Variants in SYN3 observed in about 807,000 individuals in gnomAD.
SYN3 encodes synapsin III.
SYN3 carries 35 observed loss-of-function variants against 65.8 expected under a neutral mutation model. The observed-to-expected ratio is 0.53, with a 90% CI of 0.41 to 0.70. The LOEUF is 0.70. SYN3 is among the 30% of genes least tolerant of loss of function. SYN3 has a pLI of 0.00. For missense variants in SYN3, 680 were observed against 749.0 expected (o/e 0.91, Z 1.08); for synonymous variants, 270 against 292.9 (o/e 0.92, Z 0.80).
intron 7 of SYN3, among the ~76,000 whole-genome samples, chr22:32,557,550 C>A (rs2058521802): frequency 6.6e-6 from 1 of 152,216 alleles, no homozygotes; most frequent in Non-Finnish European, 1.5e-5. Context: ...ATCTTCAAAA[C>A]AACTGGATGA....
intron 6 of SYN3, among the ~76,000 whole-genome samples, chr22:32,699,651 A>C (rs544961206): frequency 6.6e-6 from 1 of 152,210 alleles, no homozygotes; most frequent in South Asian, 2.1e-4. Flanking sequence ...TAGACAAAAA[A>C]GATACAAGAT....
rs771216196 is a variant in SYN3, at chr22:32,528,920, T to C, written c.1184A>G (p.Gln395Arg). 3 of 1,614,146 alleles carry C rather than the reference T, an allele frequency of 1.9e-6. No individual in the cohort carries two copies. Among genetic ancestry groups the C allele is most frequent in the Non-Finnish European group, 2.5e-6 (3 of 1,180,042 alleles). ...MADLVVSKMS[Q>R]LPMPGGTAPS... Reference sequence around the variant, plus strand: ...CGCTGTGCCTCCTGGCATCGGGAGCTGGCTCATTTTGGAGACAACAAGGTC... The same window carrying C: ...CGCTGTGCCTCCTGGCATCGGGAGCCGGCTCATTTTGGAGACAACAAGGTC... Residue 395 changes from glutamine (Q) to arginine (R), a missense_variant, in exon 11 of 14, where the codon CAG becomes CGG. By Grantham distance (43) the Gln-to-Arg change is conservative (BLOSUM62 1). Transcript: ENST00000358763.
At chr22:32,943,290 T>C (rs1189186163) in intron 3 of SYN3, among the ~76,000 whole-genome samples, 1 of 152,220 alleles carries the variant, frequency 6.6e-6, no homozygotes, top group African/African-American at 2.4e-5. Context: ...AGGGCCAATA[T>C]TCAACATTCT....
chr22:32,701,518 A>G (rs1424316333), intron 6 of SYN3, among the ~76,000 whole-genome samples: 1 of 152,216 alleles, frequency 6.6e-6, no homozygotes, highest in Non-Finnish European at 1.5e-5. Context: ...AAAAGCTGCT[A>G]TTAAGTCTTA....
chr22:32,912,540 AC>A (rs1039606796), intron 4 of SYN3, among the ~76,000 whole-genome samples: 4 of 151,392 alleles, frequency 2.6e-5, no homozygotes, highest in East Asian at 3.9e-4. Flanking sequence ...ACATAGTGAG[AC>A]CCCCCCATCT....
At chr22:32,892,533 T>C (rs1278639293) in intron 4 of SYN3, among the ~76,000 whole-genome samples, 2 of 152,318 alleles carry the variant, frequency 1.3e-5, no homozygotes, top group East Asian at 3.9e-4. Flanking sequence ...GAAACGAGAC[T>C]CTAAGTAGTA....
At chr22:32,894,024 GTCCAAC>G (rs1388938292) in intron 4 of SYN3, among the ~76,000 whole-genome samples, 1 of 152,100 alleles carries the variant, frequency 6.6e-6, no homozygotes. Flanking sequence ...ATAAGCATTG[GTCCAAC>G]TGGATCGAGT....
chr22:33,035,505 T>A (rs1452715368), intron 1 of SYN3, among the ~76,000 whole-genome samples: 2 of 152,128 alleles, frequency 1.3e-5, no homozygotes, highest in African/African-American at 4.8e-5. Context: ...CAAAGATCAT[T>A]CAAAAGTGAC....
intron 6 of SYN3, among the ~76,000 whole-genome samples, chr22:32,817,072 A>AG (rs1402949393): frequency 6.6e-6 from 1 of 151,194 alleles, no homozygotes; most frequent in Non-Finnish European, 1.5e-5. Flanking sequence ...TAAAAAAAAA[A>AG]AAAAGAAAAG....
chr22:32,596,169 A>T (rs1463731265), intron 7 of SYN3, among the ~76,000 whole-genome samples: 1 of 152,098 alleles, frequency 6.6e-6, no homozygotes, highest in East Asian at 1.9e-4. Flanking sequence ...TCGCCTTCTG[A>T]CACAGTTGAA....
chr22:32,864,362 C>T (rs1412623133), intron 6 of SYN3, among the ~76,000 whole-genome samples: 1 of 152,148 alleles, frequency 6.6e-6, no homozygotes, highest in Non-Finnish European at 1.5e-5. Flanking sequence ...AGACATTCAC[C>T]TCTTCCACCC....
At chr22:32,973,026 AAAC>A (rs941655171) in intron 3 of SYN3, among the ~76,000 whole-genome samples, 17 of 152,074 alleles carry the variant, frequency 1.1e-4, no homozygotes, top group African/African-American at 4.1e-4. Context: ...AAACAAAACA[AAAC>A]AACAGCAACA....
intron 8 of SYN3, 105 bp downstream of exon 8, chr22:32,541,466 A>C (rs956114081): frequency 2.2e-6 from 3 of 1,394,052 alleles, no homozygotes; most frequent in Non-Finnish European, 3.0e-6. Context: ...AGGAGACAGG[A>C]AGGAGGATAA....
intron 1 of SYN3, among the ~76,000 whole-genome samples, chr22:33,018,647 T>C (rs2053511032): frequency 1.3e-5 from 2 of 152,146 alleles, no homozygotes; most frequent in Non-Finnish European, 2.9e-5. Context: ...GCAGGAGGAA[T>C]GAGAGCTGCC....
chr22:33,043,076 G>C (rs559756584), intron 1 of SYN3, among the ~76,000 whole-genome samples: 4 of 152,282 alleles, frequency 2.6e-5, no homozygotes, highest in Admixed American at 2.0e-4. Flanking sequence ...AAAATCTTTA[G>C]AACATAAAAG....
chr22:32,679,528 A>T (rs1266775588), intron 6 of SYN3, among the ~76,000 whole-genome samples: 10 of 152,114 alleles, frequency 6.6e-5, no homozygotes, highest in Non-Finnish European at 1.2e-4. Context: ...CGGTAGTTCT[A>T]CTTTTATTTT....
chr22:32,606,459 A>C (rs2059373716), intron 6 of SYN3, among the ~76,000 whole-genome samples: 1 of 152,220 alleles, frequency 6.6e-6, no homozygotes, highest in African/African-American at 2.4e-5. Flanking sequence ...GAGGAGGAGC[A>C]CAGACAAGAT....
At chr22:32,953,819 C>G (rs905187169) in intron 3 of SYN3, among the ~76,000 whole-genome samples, 3 of 152,124 alleles carry the variant, frequency 2.0e-5, no homozygotes, top group African/African-American at 7.2e-5. Context: ...AGATGATTCT[C>G]CTCCTCATCC....
At chr22:32,657,286 G>T (rs1386178376) in intron 6 of SYN3, among the ~76,000 whole-genome samples, 1 of 152,102 alleles carries the variant, frequency 6.6e-6, no homozygotes, top group Admixed American at 6.6e-5. Flanking sequence ...ACCTCACCCG[G>T]CTGATTTTTT....
Sources: gnomAD v4.1 joint callset for allele counts (sites outside exome capture counted in the v4.1 genomes callset) on GRCh38, gnomAD v4.1.1 for gene constraint, MANE v1.5 for transcripts, NCBI Gene and HGNC (gene_info 2026-07-23, HGNC 2026-07-21) for gene names.